Variants in GEMIN4 observed in about 807,000 individuals in gnomAD.
GEMIN4 encodes gem-associated protein 4.
A neutral mutation model predicts 76.8 loss-of-function variants in GEMIN4; 59 were observed. The ratio of observed to expected loss-of-function variants is 0.77; its 90% CI spans 0.62 to 0.95. GEMIN4 has a LOEUF of 0.95. Among genes scored for constraint, GEMIN4 ranks in the 40% least tolerant of loss-of-function variants. GEMIN4 has a pLI of 0.00. For synonymous variants in GEMIN4, 562 were observed against 559.7 expected, an observed-to-expected ratio of 1.00 and a Z score of -0.06; for missense variants, 1,311 against 1,318.9, an observed-to-expected ratio of 0.99 and a Z score of 0.09.
At chr17:750,892 G>C (rs963830355) in intron 1 of GEMIN4, among the ~76,000 whole-genome samples, 2 of 152,220 alleles carry the variant, frequency 1.3e-5, no homozygotes, top group African/African-American at 4.8e-5. Flanking sequence ...CTCCCTGGGG[G>C]TTACCGCCCT....
In GEMIN4 at chr17:747,199, T is replaced by C; in HGVS notation, c.844A>G (p.Asn282Asp). Reference sequence around the variant, plus strand: ...GCCAGCGCCTGCTGGTGGTAGGGATTCTGGGTGTCCGAGTTCCACACAGAG... The same window carrying C: ...GCCAGCGCCTGCTGGTGGTAGGGATCCTGGGTGTCCGAGTTCCACACAGAG... ...VISVWNSDTQ[N>D]PYHQQALAEK... The change falls in exon 2 of 2, where the codon AAT (asparagine) becomes GAT (aspartate). Residue 282 changes from asparagine (N) to aspartate (D), a missense_variant. Physicochemically the swap from Asn to Asp is conservative, Grantham distance 23. Around this residue, in one of 2 missense-constraint regions of GEMIN4, gnomAD observed 1,208 missense variants for 1,166.9 expected, o/e 1.04. Coordinates refer to ENST00000319004, the MANE Select transcript of GEMIN4 (RefSeq NM_015721.3). 9.9e-6 allele frequency: 16 copies of C among 1,613,118 alleles called. No individual in the cohort carries two copies. Among genetic ancestry groups the C allele is most frequent in the Non-Finnish European group, 1.4e-5 (16 of 1,179,668 alleles).
upstream of GEMIN4, chr17:752,517 C>G (rs1457254089): frequency 6.7e-6 from 3 of 445,820 alleles, no homozygotes; most frequent in African/African-American, 6.1e-5. Flanking sequence ...GCCCCGCACA[C>G]AGTTCACCCC....
At chr17:750,022 A>T in intron 1 of GEMIN4, 1 of 975,554 alleles carries the variant, frequency 1.0e-6, no homozygotes, top group Non-Finnish European at 1.2e-6. Flanking sequence ...GGGATGTTTA[A>T]TCAGACATGG....
rs1207376043 is a variant in GEMIN4, at chr17:745,675, G to C, written c.2368C>G (p.Leu790Val). The C allele has an allele frequency of 1.9e-6, 3 of 1,596,110 alleles. No homozygotes were observed. Among genetic ancestry groups the C allele is most frequent in the African/African-American group, 2.7e-5 (2 of 74,598 alleles). The change falls in exon 2 of 2, where the codon CTT (leucine) becomes GTT (valine). Residue 790 changes from leucine (L) to valine (V), a missense_variant. Around this residue, in one of 2 missense-constraint regions of GEMIN4, gnomAD observed 1,208 missense variants for 1,166.9 expected, o/e 1.04. Transcript: ENST00000319004. The surrounding 1 kb of genome is among the most constrained non-coding windows in gnomAD (Gnocchi z 4.6). ...GHFKCEVPAT[L>V]FEICKLSEDE... ...TCTGAAAGCTTACAGATCTCAAAAA[G>C]TGTGGCTGGCACTTCACACTTGAAG...
rs965909574 is a variant in GEMIN4 at position 747,091 on chromosome 17, C to G, written c.952G>C (p.Glu318Gln). The change falls in exon 2 of 2, where the codon GAG becomes CAG. Residue 318 changes from glutamate (E) to glutamine (Q), a missense_variant. By Grantham distance (29) the Glu-to-Gln change is conservative. This residue lies in a region of GEMIN4 where 1,208 missense variants were observed against 1,166.9 expected (regional missense o/e 1.04). Coordinates refer to ENST00000319004, the MANE Select transcript of GEMIN4 (RefSeq NM_015721.3). ...TCCCGCAGCAGGTGGTGCAGGAACT[C>G]GCAGCCCACGAAAATGGTCTCACTG... ...LPSETIFVGC[E>Q]FLHHLLREWG... The G allele has an allele frequency of 2.5e-6, 4 of 1,613,662 alleles. No individual in the cohort carries two copies. Among genetic ancestry groups the G allele is most frequent in the Non-Finnish European group, 3.4e-6 (4 of 1,179,858 alleles).
In GEMIN4 at chr17:746,261, C is replaced by G; in HGVS notation, c.1782G>C (p.Gln594His). 1 of 1,613,788 alleles carries G rather than the reference C, an allele frequency of 6.2e-7. No individual in the cohort carries two copies. The highest frequency in any genetic ancestry group is 8.5e-7 in the Non-Finnish European group (1 of 1,179,904). The change falls in exon 2 of 2, where the codon CAG (glutamine) becomes CAC (histidine). Residue 594 changes from glutamine to histidine, a missense_variant. This residue lies in a region of GEMIN4 where 1,208 missense variants were observed against 1,166.9 expected (regional missense o/e 1.04). Coordinates refer to ENST00000319004, the MANE Select transcript of GEMIN4 (RefSeq NM_015721.3). The surrounding 1 kb of genome is among the most constrained non-coding windows in gnomAD (Gnocchi z 4.3). ...TGAAAGTGGCAGATGAATTGGGACC[C>G]TGCTCTTCCACAAACCTAAGGGCAG... ...AFPALRFVEE[Q>H]GPNSSATFMV...
At chr17:750,926 C>A (rs573043905) in intron 1 of GEMIN4, among the ~76,000 whole-genome samples, 12 of 152,330 alleles carry the variant, frequency 7.9e-5, no homozygotes, top group African/African-American at 2.9e-4. Context: ...GGAGGCTCTC[C>A]CAGGGTCCCA....
In GEMIN4 at chr17:745,152, A is replaced by G. The variant is rs1392409360; in HGVS notation, c.2891T>C (p.Val964Ala). Residue 964 changes from valine to alanine, a missense_variant, in exon 2 of 2, where the codon GTT becomes GCT. Around this residue, in one of 2 missense-constraint regions of GEMIN4, gnomAD observed 1,208 missense variants for 1,166.9 expected, o/e 1.04. Coordinates refer to ENST00000319004, the MANE Select transcript of GEMIN4 (RefSeq NM_015721.3). The surrounding 1 kb of genome is among the most constrained non-coding windows in gnomAD (Gnocchi z 4.6). Reference sequence around the variant, plus strand: ...GGTCAGGTCCTGCTCTGGTCCTTGAACCCAAGGGCCAGCTGCCTGTATCGC... The same window carrying G: ...GGTCAGGTCCTGCTCTGGTCCTTGAGCCCAAGGGCCAGCTGCCTGTATCGC... ...VRAIQAAGPWVQGPEQDLTQE... is the reference protein window; with the variant it reads ...VRAIQAAGPWAQGPEQDLTQE... The G allele has an allele frequency of 1.2e-6, 2 of 1,605,732 alleles. No homozygotes were observed. Among genetic ancestry groups the G allele is most frequent in the African/African-American group, 2.7e-5 (2 of 74,702 alleles).
Position 746,315 on chromosome 17 carries a change from C to A in GEMIN4, c.1728G>T (p.Lys576Asn), listed in dbSNP as rs769363855. The change falls in exon 2 of 2, where the codon AAG becomes AAT. Residue 576 changes from lysine (K) to asparagine (N), a missense_variant. Coordinates refer to ENST00000319004, the MANE Select transcript of GEMIN4 (RefSeq NM_015721.3). The surrounding 1 kb of genome is among the most constrained non-coding windows in gnomAD (Gnocchi z 4.3). Reference sequence around the variant, plus strand: ...AGGCAGTGAGAATCTGGGCCAGGAACTTGTGGGTGCCGAGATTGACCACAG... The same window carrying A: ...AGGCAGTGAGAATCTGGGCCAGGAAATTGTGGGTGCCGAGATTGACCACAG... Reference protein sequence around the residue: ...SLAVVNLGTHKFLAQILTAFP... With the variant: ...SLAVVNLGTHNFLAQILTAFP... 1.2e-6 allele frequency: 2 copies of A among 1,613,806 alleles called. No homozygotes were observed. The highest frequency in any genetic ancestry group is 2.2e-5 in the South Asian group (2 of 91,082).
rs777365118 is a variant in GEMIN4 at position 747,123 on chromosome 17, T to A, written c.920A>T (p.Lys307Ile). ...CACGAAAATGGTCTCACTGGGGAGT[T>A]TGGCCAGCGAGGTCAGGCTGACATC... ...ERDVSLTSLA[K>I]LPSETIFVGC... is the part of the protein sequence containing the mutation. Residue 307 changes from lysine to isoleucine, a missense_variant, in exon 2 of 2, where the codon AAA becomes ATA. By Grantham distance (102) the Lys-to-Ile change is moderately radical. Coordinates refer to ENST00000319004, the MANE Select transcript of GEMIN4 (RefSeq NM_015721.3). 1.9e-5 allele frequency: 31 copies of A among 1,613,572 alleles called. No homozygotes were observed. Among genetic ancestry groups the A allele is most frequent in the Non-Finnish European group, 2.5e-5 (30 of 1,179,854 alleles).
At position 747,050 on chromosome 17, in the gene GEMIN4, C is replaced by A; in HGVS notation, c.993G>T (p.Leu331Phe). Residue 331 changes from leucine (L) to phenylalanine (F), a missense_variant, in exon 2 of 2, where the codon TTG (leucine) becomes TTT (phenylalanine). Physicochemically the swap from Leu to Phe is conservative, Grantham distance 22. Coordinates refer to ENST00000319004, the MANE Select transcript of GEMIN4 (RefSeq NM_015721.3). Reference sequence around the variant, plus strand: ...CCTGGCTGCTGCGGAGCACGGCCTGCAACTCCTCCCCCCACTCCCGCAGCA... The same window carrying A: ...CCTGGCTGCTGCGGAGCACGGCCTGAAACTCCTCCCCCCACTCCCGCAGCA... ...HHLLREWGEELQAVLRSSQGT... is the reference protein window; with the variant it reads ...HHLLREWGEEFQAVLRSSQGT... The A allele has an allele frequency of 6.2e-7, 1 of 1,613,522 alleles. No homozygotes were observed. Among genetic ancestry groups the A allele is most frequent in the Non-Finnish European group, 8.5e-7 (1 of 1,179,868 alleles).
chr17:747,319 T>C lies in GEMIN4; in HGVS notation c.724A>G (p.Asn242Asp), dbSNP rs1300372982. The C allele has an allele frequency of 1.9e-6, 3 of 1,613,736 alleles. No homozygotes were observed. The highest frequency in any genetic ancestry group is 2.2e-5 in the South Asian group (2 of 91,080). Residue 242 changes from asparagine (N) to aspartate (D), a missense_variant, in exon 2 of 2, where the codon AAC (asparagine) becomes GAC (aspartate). Coordinates refer to ENST00000319004, the MANE Select transcript of GEMIN4 (RefSeq NM_015721.3). The stretch of plus-strand genomic sequence containing the variant: ...AACACAGTCAGCATGTCAGCCAGGT[T>C]GGCCAGCGCACAGCACTTCCTCCCC... ...GPGRKCCALA[N>D]LADMLTVFAL...
upstream of GEMIN4, chr17:752,655 G>T: frequency 2.0e-6 from 2 of 1,012,260 alleles, no homozygotes; most frequent in Non-Finnish European, 2.4e-6. Flanking sequence ...GCCCCCTCCA[G>T]ACAGCAGCGT....
chr17:744,979 C>T lies in GEMIN4; in HGVS notation c.3064G>A (p.Val1022Ile), dbSNP rs541615549. 6.2e-7 allele frequency: 1 copy of T among 1,613,948 alleles called. No homozygotes were observed. The highest frequency in any genetic ancestry group is 8.5e-7 in the Non-Finnish European group (1 of 1,179,892). ...TGTGCCCTCTGGAGCAAGGAGCTGACAGAAGGGTTGGTCTTGCTCAAAGTC... is the reference window on the plus strand; with the variant it reads ...TGTGCCCTCTGGAGCAAGGAGCTGATAGAAGGGTTGGTCTTGCTCAAAGTC... The part of the protein sequence containing the change: ...YETLSKTNPS[V>I]SSLLQRAHEQ... Residue 1022 changes from valine to isoleucine, a missense_variant, in exon 2 of 2, where the codon GTC becomes ATC. Physicochemically the swap from Val to Ile is conservative, Grantham distance 29. This residue lies in a region of GEMIN4 where 1,208 missense variants were observed against 1,166.9 expected (regional missense o/e 1.04). Transcript: ENST00000319004.
chr17:752,242 C>A lies in GEMIN4; in HGVS notation c.-100G>T. On this transcript the variant is annotated 5_prime_UTR_variant, in exon 1 of 2. Transcript: ENST00000319004. ...GGCACGATGGGAGACGCAGGAGCCACGGCGGCCGCGCTTAGGCCTGCTCAC... is the reference window on the plus strand; with the variant it reads ...GGCACGATGGGAGACGCAGGAGCCAAGGCGGCCGCGCTTAGGCCTGCTCAC... The A allele has an allele frequency of 8.1e-7, 1 of 1,228,468 alleles. No homozygotes were observed. The highest frequency in any genetic ancestry group is 1.0e-6 in the Non-Finnish European group (1 of 985,424). 76.1% of individuals were successfully genotyped at this position (1,228,468 alleles called of 1,614,324 possible). A position where few individuals can be genotyped will look rare whatever the true frequency, so the allele number is the denominator to read the frequency against.
At position 746,449 on chromosome 17, in the gene GEMIN4, G is replaced by T; in HGVS notation, c.1594C>A (p.Gln532Lys). The T allele has an allele frequency of 6.2e-7, 1 of 1,614,002 alleles. No individual in the cohort carries two copies. Among genetic ancestry groups the T allele is most frequent in the Non-Finnish European group, 8.5e-7 (1 of 1,179,902 alleles). The change falls in exon 2 of 2, where the codon CAG (glutamine) becomes AAG (lysine). Residue 532 changes from glutamine (Q) to lysine (K), a missense_variant. By Grantham distance (53) the Gln-to-Lys change is moderately conservative. This residue lies in a region of GEMIN4 where 1,208 missense variants were observed against 1,166.9 expected (regional missense o/e 1.04). Transcript: ENST00000319004. The surrounding 1 kb of genome is among the most constrained non-coding windows in gnomAD (Gnocchi z 4.3). ...FQEDLNTTFN[Q>K]LTQSASEQGL... is the part of the protein sequence containing the mutation. ...TGTTCGGAGGCACTCTGAGTGAGCT[G>T]GTTAAAAGTTGTATTGAGGTCTTCC...
Position 746,735 on chromosome 17 carries a change from C to G in GEMIN4, c.1308G>C (p.Glu436Asp). Residue 436 changes from glutamate (E) to aspartate (D), a missense_variant, in exon 2 of 2, where the codon GAG (glutamate) becomes GAC (aspartate). Glu to Asp is a conservative substitution (Grantham distance 45, BLOSUM62 2). This residue lies in a region of GEMIN4 where 1,208 missense variants were observed against 1,166.9 expected (regional missense o/e 1.04). Transcript: ENST00000319004. This position sits in a 1 kb window ranked among gnomAD's most constrained non-coding sequence, Gnocchi z 4.3. The stretch of plus-strand genomic sequence containing the variant: ...TGTTACTCCCCAGGCAGGCTACCCA[C>G]TCGTCCGAGAAGGCCCACTTCTTCT... Reference protein sequence around the residue: ...ASEKKWAFSDEWVACLGSNRA... With the variant: ...ASEKKWAFSDDWVACLGSNRA... 6.2e-7 allele frequency: 1 copy of G among 1,613,764 alleles called. No individual in the cohort carries two copies. Among genetic ancestry groups the G allele is most frequent in the East Asian group, 2.2e-5 (1 of 44,870 alleles).
rs1327732761 is a variant in GEMIN4 at position 744,985 on chromosome 17, G to A, written c.3058C>T (p.Pro1020Ser). ...TCYETLSKTN[P>S]SVSSLLQRAH... ...CTCTGGAGCAAGGAGCTGACAGAAG[G>A]GTTGGTCTTGCTCAAAGTCTCATAG... The change falls in exon 2 of 2, where the codon CCT becomes TCT. Residue 1020 changes from proline (P) to serine (S), a missense_variant. Transcript: ENST00000319004. 1.2e-6 allele frequency: 2 copies of A among 1,613,824 alleles called. No homozygotes were observed. The highest frequency in any genetic ancestry group is 1.3e-5 in the African/African-American group (1 of 74,944).
rs781714556 is a variant in GEMIN4 at position 746,873 on chromosome 17, C to T, written c.1170G>A (p.Thr390=). 12 of 1,613,568 alleles carry T rather than the reference C, an allele frequency of 7.4e-6. No homozygotes were observed. Among genetic ancestry groups the T allele is most frequent in the Middle Eastern group, 1.6e-4 (1 of 6,082 alleles). ...AECVRDFLRK[T]STVLKNRALE... The stretch of plus-strand genomic sequence containing the variant: ...AGGCCCTGTTCTTCAGCACCGTGCT[C>T]GTTTTCCTCAGGAAGTCCCTGACAC... The change falls in exon 2 of 2, where the codon ACG becomes ACA. Residue 390 remains threonine (T), a synonymous_variant. Transcript: ENST00000319004. This position sits in a 1 kb window ranked among gnomAD's most constrained non-coding sequence, Gnocchi z 4.3.
Sources: gnomAD v4.1 joint callset for allele counts (sites outside exome capture counted in the v4.1 genomes callset) on GRCh38, gnomAD v4.1.1 for gene constraint, gnomAD v4.1.1 regional missense constraint, Gnocchi (gnomAD v3.1) non-coding constraint, MANE v1.5 for transcripts, NCBI Gene and HGNC (gene_info 2026-07-23, HGNC 2026-07-21) for gene names.